Variants in ATP6V0D2 observed in about 807,000 individuals in gnomAD.
ATP6V0D2 encodes the protein V-type proton ATPase subunit d 2.
ATP6V0D2 carries 40 observed loss-of-function variants against 40.0 expected under a neutral mutation model. That is an observed-to-expected ratio of 1.00 (90% CI 0.78 to 1.30). The LOEUF is 1.30. Among genes scored for constraint, ATP6V0D2 ranks in the 50% most tolerant of loss-of-function variants. ATP6V0D2 has a pLI of 0.00. For missense variants in ATP6V0D2, 470 were observed against 423.1 expected (o/e 1.11, Z -0.97); for synonymous variants, 179 against 156.3 (o/e 1.15, Z -1.08).
intron 2 of ATP6V0D2, among the ~76,000 whole-genome samples, chr8:86,118,201 C>T (rs1344864866): frequency 6.8e-6 from 1 of 146,958 alleles, no homozygotes; most frequent in East Asian, 2.0e-4. Flanking sequence ...GTTGGAATTA[C>T]AGGCGCACGC....
intron 3 of ATP6V0D2, among the ~76,000 whole-genome samples, 182 bp downstream of exon 3, chr8:86,139,817 T>C (rs1818950005): frequency 6.6e-6 from 1 of 152,202 alleles, no homozygotes; most frequent in Non-Finnish European, 1.5e-5. Context: ...TAAGGAATTA[T>C]CTAGTTCAGC....
At chr8:86,122,792 G>C (rs780225177) in intron 2 of ATP6V0D2, among the ~76,000 whole-genome samples, 1 of 152,222 alleles carries the variant, frequency 6.6e-6, no homozygotes, top group Non-Finnish European at 1.5e-5. Context: ...GGCATAGATT[G>C]AAAGAATAAG....
At chr8:86,099,185 A>G in intron 1 of ATP6V0D2, 77 bp downstream of exon 1, 1 of 1,422,650 alleles carries the variant, frequency 7.0e-7, no homozygotes, top group East Asian at 2.5e-5. Flanking sequence ...AGCATGGAGA[A>G]AAAAAGCCCA....
intron 5 of ATP6V0D2, among the ~76,000 whole-genome samples, chr8:86,145,271 A>G (rs565490821): frequency 2.7e-4 from 23 of 86,732 alleles, no homozygotes; most frequent in South Asian, 8.1e-4. Context: ...GAAAGAAAGA[A>G]AGAAAGAAAG....
intron 2 of ATP6V0D2, among the ~76,000 whole-genome samples, chr8:86,126,236 C>CTA (rs60590702): frequency 0.039 from 2,976 of 77,058 alleles, 259 homozygotes; most frequent in South Asian, 0.088. Context: ...CGTGCTCAGC[C>CTA]TATATATATA....
At chr8:86,123,598 C>T (rs1443109707) in intron 2 of ATP6V0D2, among the ~76,000 whole-genome samples, 1 of 152,096 alleles carries the variant, frequency 6.6e-6, no homozygotes, top group Non-Finnish European at 1.5e-5. Flanking sequence ...AGAGATTTAA[C>T]AGGATTTAGT....
intron 1 of ATP6V0D2, among the ~76,000 whole-genome samples, chr8:86,110,209 C>T (rs1818514018): frequency 6.6e-6 from 1 of 152,182 alleles, no homozygotes; most frequent in Non-Finnish European, 1.5e-5. Flanking sequence ...ATTCTCATGC[C>T]TCAGCCTTCT....
chr8:86,119,232 C>CTTTT lies in ATP6V0D2; in HGVS notation c.302+5367_302+5370dup, dbSNP rs35945978. 1.7e-3 allele frequency among the ~76,000 whole-genome samples: 214 copies of CTTTT among 125,914 alleles called. 2 individuals carry two copies. The highest frequency in any genetic ancestry group is 5.4e-3 in the African/African-American group (183 of 33,970). 82.6% of individuals were successfully genotyped at this position (125,914 alleles called of 152,430 possible). ...ATTTCTTGTTTCCTAATCATAGGATCTTTTTTTTTTTTTTTTTTGAGATGG... is the reference window on the plus strand; with the variant it reads ...ATTTCTTGTTTCCTAATCATAGGATCTTTTTTTTTTTTTTTTTTTTTTGAGATGG... On this transcript the variant is annotated intron_variant, in intron 2 of 7. Coordinates refer to ENST00000285393, the MANE Select transcript of ATP6V0D2 (RefSeq NM_152565.1).
intron 2 of ATP6V0D2, among the ~76,000 whole-genome samples, chr8:86,116,149 C>T (rs973855336): frequency 4.6e-5 from 7 of 152,134 alleles, no homozygotes; most frequent in African/African-American, 1.7e-4. Context: ...ATAAAAATAT[C>T]ACTCTGTGTC....
intron 1 of ATP6V0D2, among the ~76,000 whole-genome samples, chr8:86,104,423 A>G (rs1482241538): frequency 3.3e-5 from 5 of 152,166 alleles, no homozygotes; most frequent in African/African-American, 1.2e-4. Flanking sequence ...GAAGCACTCT[A>G]AAAGGAGAAA....
chr8:86,136,236 GTAAAAA>G (rs1328780787), intron 2 of ATP6V0D2, among the ~76,000 whole-genome samples: 3 of 152,286 alleles, frequency 2.0e-5, no homozygotes, highest in Admixed American at 6.5e-5. Flanking sequence ...TAGTAAAAAA[GTAAAAA>G]TAAAAATCCT....
chr8:86,121,209 T>A (rs1345748159), intron 2 of ATP6V0D2, among the ~76,000 whole-genome samples: 3 of 152,192 alleles, frequency 2.0e-5, no homozygotes, highest in Non-Finnish European at 4.4e-5. Context: ...TCATGTGATG[T>A]CTTGTGACTA....
chr8:86,126,236 C>CTATATATGTATATATATATATA (rs1818740626), intron 2 of ATP6V0D2, among the ~76,000 whole-genome samples: 1 of 77,120 alleles, frequency 1.3e-5, no homozygotes, highest in South Asian at 5.4e-4. Context: ...CGTGCTCAGC[C>CTATATATGTATATATATATATA]TATATATATA....
chr8:86,132,219 A>G (rs976223938), intron 2 of ATP6V0D2, among the ~76,000 whole-genome samples: 2 of 152,108 alleles, frequency 1.3e-5, no homozygotes, highest in African/African-American at 2.4e-5. Flanking sequence ...ATTGATAAAT[A>G]ACATTTTCCA....
In ATP6V0D2 at chr8:86,153,113, T is replaced by G. The variant is rs1248824108; in HGVS notation, c.*136T>G. ...TATATCTTCATGAGTTGCAAATCCA[T>G]GGAAACACAGTAAACCAGCCCTGAA... On this transcript the variant is annotated 3_prime_UTR_variant, in exon 8 of 8. Transcript: ENST00000285393. 8.7e-6 allele frequency: 6 copies of G among 691,688 alleles called. No homozygotes were observed. The highest frequency in any genetic ancestry group is 1.3e-5 in the Non-Finnish European group (6 of 458,092). 42.8% of individuals were successfully genotyped at this position (691,688 alleles called of 1,614,324 possible).
chr8:86,138,359 ATG>A (rs1818925540), intron 2 of ATP6V0D2, among the ~76,000 whole-genome samples: 2 of 152,310 alleles, frequency 1.3e-5, no homozygotes, highest in Non-Finnish European at 1.5e-5. Flanking sequence ...TTTGCATAGC[ATG>A]TATGCCCTAT....
At chr8:86,104,541 C>A (rs1818443452) in intron 1 of ATP6V0D2, among the ~76,000 whole-genome samples, 1 of 151,912 alleles carries the variant, frequency 6.6e-6, no homozygotes, top group Admixed American at 6.6e-5. Context: ...AATATACTTC[C>A]TATATGATTA....
In ATP6V0D2 at chr8:86,139,593, C is replaced by G. The variant is rs757429691; in HGVS notation, c.439C>G (p.Pro147Ala). ...EMEAVNIAET[P>A]SDLFNAILIE... ...GGAAGCTGTCAACATTGCAGAGACA[C>G]CTTCAGATCTCTTTAATGCCATTCT... The change falls in exon 3 of 8, where the codon CCT (proline) becomes GCT (alanine). Residue 147 changes from proline to alanine, a missense_variant. By Grantham distance (27) the Pro-to-Ala change is conservative. Coordinates refer to ENST00000285393, the MANE Select transcript of ATP6V0D2 (RefSeq NM_152565.1). The G allele has an allele frequency of 3.0e-5, 48 of 1,612,616 alleles. No homozygotes were observed. The highest frequency in any genetic ancestry group is 4.1e-5 in the Non-Finnish European group (48 of 1,179,534).
intron 2 of ATP6V0D2, among the ~76,000 whole-genome samples, chr8:86,116,132 G>A (rs1818589232): frequency 6.6e-6 from 1 of 152,164 alleles, no homozygotes; most frequent in African/African-American, 2.4e-5. Context: ...GTTCAGAAAA[G>A]CATAAAATAA....
Sources: allele counts gnomAD v4.1 joint callset (sites outside exome capture counted in the v4.1 genomes callset), GRCh38; gene constraint gnomAD v4.1.1; transcripts MANE v1.5; gene names NCBI Gene and HGNC (gene_info 2026-07-23, HGNC 2026-07-21).